GABRA3: variants seen among roughly 807,000 people sequenced by gnomAD.
GABRA3 encodes the protein gamma-aminobutyric acid receptor subunit alpha-3.
Under a neutral mutation model 30.1 loss-of-function variants are expected in GABRA3, and 10 were observed. The ratio of observed to expected loss-of-function variants is 0.33; its 90% CI spans 0.20 to 0.56. The LOEUF is 0.56. GABRA3 is among the 20% of genes least tolerant of loss of function. The probability of loss-of-function intolerance (pLI) is 0.89; values close to 1 mark genes in which losing one functional copy is unlikely to be tolerated. For synonymous variants in GABRA3, 151 were observed against 146.8 expected (o/e 1.03, Z -0.21); for missense variants, 233 against 392.0 (o/e 0.59, Z 3.42).
intron 3 of GABRA3, among the ~76,000 whole-genome samples, chrX:152,334,297 C>T (rs1361664072): frequency 1.8e-5 from 2 of 111,416 alleles, no homozygotes; most frequent in African/African-American, 6.5e-5. Context: ...TCCCTAAGAT[C>T]AGGAACAAGA....
intron 9 of GABRA3, among the ~76,000 whole-genome samples, chrX:152,169,618 C>T (rs1335872628): frequency 1.8e-5 from 2 of 111,732 alleles, no homozygotes; most frequent in Admixed American, 1.9e-4. Flanking sequence ...CAACCCCAGC[C>T]CCAGGCCAAA....
intron 3 of GABRA3, among the ~76,000 whole-genome samples, chrX:152,317,042 G>C (rs748117947): frequency 1.1e-3 from 118 of 111,907 alleles, no homozygotes; most frequent in African/African-American, 3.8e-3. Flanking sequence ...TGGCCTGCAT[G>C]CTCCACTTAA....
At chrX:152,284,428 A>G (rs1175238820) in intron 4 of GABRA3, among the ~76,000 whole-genome samples, 1 of 111,317 alleles carries the variant, frequency 9.0e-6, no homozygotes, top group Non-Finnish European at 1.9e-5. Context: ...CTTTTGAAAG[A>G]TGTGTCGTGG....
At chrX:152,390,833 A>AT (rs1341020119) in intron 1 of GABRA3, among the ~76,000 whole-genome samples, 1 of 111,900 alleles carries the variant, frequency 8.9e-6, no homozygotes, top group Non-Finnish European at 1.9e-5. Context: ...GCACTTTAAA[A>AT]AAACAAGCAT....
chrX:152,422,450 AT>A (rs762814959), intron 1 of GABRA3, among the ~76,000 whole-genome samples: 112 of 108,566 alleles, frequency 1.0e-3, no homozygotes, highest in African/African-American at 3.1e-3. Context: ...TGGTGTGTTA[AT>A]TTTTTTTTTA....
intron 3 of GABRA3, among the ~76,000 whole-genome samples, chrX:152,308,776 C>T (rs1270275001): frequency 8.9e-6 from 1 of 112,217 alleles, no homozygotes; most frequent in East Asian, 2.8e-4. Flanking sequence ...ACTACCTCCC[C>T]AGAAATGGTT....
intron 6 of GABRA3, among the ~76,000 whole-genome samples, chrX:152,222,556 GT>G (rs1175763402): frequency 1.8e-5 from 2 of 108,284 alleles, no homozygotes; most frequent in Non-Finnish European, 3.8e-5. Context: ...ATATATTTTG[GT>G]TTTTGGCATT....
At chrX:152,279,310 G>A (rs1402080442) in intron 4 of GABRA3, among the ~76,000 whole-genome samples, 93 of 111,962 alleles carry the variant, frequency 8.3e-4, no homozygotes, top group Non-Finnish European at 1.0e-3. Flanking sequence ...AAGGGATCCA[G>A]TTTCAGCTTT....
chrX:152,418,647 GA>G (rs2124536212), intron 1 of GABRA3, among the ~76,000 whole-genome samples: 1 of 111,238 alleles, frequency 9.0e-6, no homozygotes, highest in South Asian at 3.7e-4. Context: ...GAAGAAAGTA[GA>G]AAGAACAAAA....
At chrX:152,405,026 A>T (rs1375832236) in intron 1 of GABRA3, among the ~76,000 whole-genome samples, 3 of 108,734 alleles carry the variant, frequency 2.8e-5, no homozygotes, top group Non-Finnish European at 5.7e-5. Flanking sequence ...AGATCAAATT[A>T]TCTGGTTTCA....
At chrX:152,372,943 G>A (rs892690443) in intron 1 of GABRA3, among the ~76,000 whole-genome samples, 1 of 111,290 alleles carries the variant, frequency 9.0e-6, no homozygotes, top group Non-Finnish European at 1.9e-5. Flanking sequence ...TCAATGCCAC[G>A]TTGAAACCAT....
chrX:152,175,735 AAG>A (rs1937065032), intron 9 of GABRA3, among the ~76,000 whole-genome samples: 1 of 111,360 alleles, frequency 9.0e-6, no homozygotes, highest in South Asian at 3.8e-4. Flanking sequence ...GGTAATGACA[AAG>A]TACCTGGGCT....
At chrX:152,409,151 G>C (rs1930006923) in intron 1 of GABRA3, among the ~76,000 whole-genome samples, 1 of 111,250 alleles carries the variant, frequency 9.0e-6, no homozygotes, top group Non-Finnish European at 1.9e-5. Context: ...CCTGGAGTTT[G>C]AGACCAGCCT....
intron 1 of GABRA3, among the ~76,000 whole-genome samples, chrX:152,380,261 C>T (rs2124506680): frequency 9.0e-6 from 1 of 111,418 alleles, no homozygotes; most frequent in African/African-American, 3.3e-5. Flanking sequence ...ATTCCTTTCT[C>T]TCTACCCCAC....
intron 3 of GABRA3, among the ~76,000 whole-genome samples, chrX:152,291,509 C>T (rs1245389953): frequency 9.0e-6 from 1 of 111,576 alleles, no homozygotes; most frequent in Non-Finnish European, 1.9e-5. Flanking sequence ...TTATTTATTT[C>T]TCTTGCATGA....
chrX:152,288,366 G>A (rs1939335144), intron 3 of GABRA3, among the ~76,000 whole-genome samples: 1 of 112,354 alleles, frequency 8.9e-6, no homozygotes, highest in Admixed American at 9.5e-5. Flanking sequence ...TTCTGCCACT[G>A]CTCTTTTGTG....
At chrX:152,343,283 T>C (rs193039607) in intron 3 of GABRA3, among the ~76,000 whole-genome samples, 225 of 111,480 alleles carry the variant, frequency 2.0e-3, no homozygotes, top group African/African-American at 7.1e-3. Flanking sequence ...CTCACCTTGT[T>C]TGTTTTCTTT....
chrX:152,213,601 C>T (rs1235488711), intron 6 of GABRA3, among the ~76,000 whole-genome samples: 2 of 111,582 alleles, frequency 1.8e-5, no homozygotes, highest in African/African-American at 6.5e-5. Flanking sequence ...CGCAACCCCC[C>T]AAAACCAGCA....
chrX:152,290,553 A>T (rs1172184469), intron 3 of GABRA3, among the ~76,000 whole-genome samples: 2 of 111,677 alleles, frequency 1.8e-5, no homozygotes, highest in African/African-American at 6.5e-5. Flanking sequence ...TTTTGTTGCC[A>T]TTGCTTTTGG....
Sources: gnomAD v4.1 joint callset for allele counts (sites outside exome capture counted in the v4.1 genomes callset) on GRCh38, gnomAD v4.1.1 for gene constraint, MANE v1.5 for transcripts, NCBI Gene and HGNC (gene_info 2026-07-23, HGNC 2026-07-21) for gene names.